CAMTA1: variants seen among roughly 807,000 people sequenced by gnomAD.
The protein encoded by CAMTA1 is calmodulin binding transcription activator 1.
A neutral mutation model predicts 170.9 loss-of-function variants in CAMTA1; 27 were observed. That is an observed-to-expected ratio of 0.16 (90% CI 0.12 to 0.22). CAMTA1 has a LOEUF of 0.22. CAMTA1 is among the 10% of genes least tolerant of loss of function. The pLI, the probability that CAMTA1 is intolerant of heterozygous loss-of-function variation, is 1.00. For missense variants in CAMTA1, 1,619 were observed against 2,217.2 expected, an observed-to-expected ratio of 0.73 and a Z score of 5.42; for synonymous variants, 833 against 891.5, an observed-to-expected ratio of 0.93 and a Z score of 1.17.
intron 7 of CAMTA1, among the ~76,000 whole-genome samples, chr1:7,651,293 C>T (rs1050335668): frequency 6.6e-6 from 1 of 152,200 alleles, no homozygotes; most frequent in Non-Finnish European, 1.5e-5. Flanking sequence ...CAGAAAAGGA[C>T]ACTGCCCCTC....
intron 1 of CAMTA1, among the ~76,000 whole-genome samples, chr1:6,793,304 C>G (rs1434337213): frequency 6.6e-6 from 1 of 152,178 alleles, no homozygotes; most frequent in African/African-American, 2.4e-5. Context: ...CATGCAGTAT[C>G]TCTTCCATTT....
chr1:7,018,570 T>C (rs935002701), intron 3 of CAMTA1, among the ~76,000 whole-genome samples: 15 of 152,108 alleles, frequency 9.9e-5, no homozygotes, highest in African/African-American at 3.6e-4. Flanking sequence ...TTGCCAAGTT[T>C]ACACTGCCAA....
chr1:7,320,623 C>A (rs1417353441), intron 5 of CAMTA1, among the ~76,000 whole-genome samples: 1 of 149,032 alleles, frequency 6.7e-6, no homozygotes, highest in East Asian at 2.0e-4. Context: ...GTCATCTCCA[C>A]TATCCCCCTG....
chr1:7,737,427 C>G lies in CAMTA1; in HGVS notation c.3515C>G (p.Ala1172Gly), dbSNP rs528048498. The change falls in exon 15 of 23, where the codon GCT (alanine) becomes GGT (glycine). Residue 1172 changes from alanine (A) to glycine (G), a missense_variant. Physicochemically the swap from Ala to Gly is moderately conservative, Grantham distance 60. Around this residue, in one of 8 missense-constraint regions of CAMTA1, gnomAD observed 370 missense variants for 429.4 expected, o/e 0.86. Coordinates refer to ENST00000303635, the MANE Select transcript of CAMTA1 (RefSeq NM_015215.4). ...CLEHLQRDEQ[A>G]QLGQNPRIHC... ...GAGCACCTGCAGAGAGATGAGCAGG[C>G]TCAGCTGGGACAGAACCCCAGAATC... 1.2e-6 allele frequency: 2 copies of G among 1,614,182 alleles called. No individual in the cohort carries two copies. The highest frequency in any genetic ancestry group is 1.7e-6 in the Non-Finnish European group (2 of 1,180,002).
At chr1:7,541,783 C>T (rs1255160905) in intron 6 of CAMTA1, among the ~76,000 whole-genome samples, 1 of 152,206 alleles carries the variant, frequency 6.6e-6, no homozygotes, top group Non-Finnish European at 1.5e-5. Context: ...TGGTCACCCA[C>T]AGGGGTTCTG....
At chr1:7,365,113 G>T (rs760144078) in intron 5 of CAMTA1, among the ~76,000 whole-genome samples, 18 of 152,240 alleles carry the variant, frequency 1.2e-4, no homozygotes, top group African/African-American at 1.7e-4. Context: ...TGGCCTGGAG[G>T]CCGGACCCCA....
intron 3 of CAMTA1, among the ~76,000 whole-genome samples, chr1:6,902,077 A>AAAAAAAATAAAATAAAAAAT (rs1385758257): frequency 2.8e-5 from 2 of 70,940 alleles, no homozygotes; most frequent in African/African-American, 7.0e-5. Context: ...ACACACAAAA[A>AAAAAAAATAAAATAAAAAAT]AAAAAATAAA....
At chr1:7,119,456 C>T (rs1407547417) in intron 4 of CAMTA1, among the ~76,000 whole-genome samples, 1 of 152,180 alleles carries the variant, frequency 6.6e-6, no homozygotes, top group Non-Finnish European at 1.5e-5. Context: ...CAGCAGTGAA[C>T]AGCGGGGGGC....
chr1:7,750,493 G>C (rs1450635852), intron 19 of CAMTA1, among the ~76,000 whole-genome samples: 1 of 152,228 alleles, frequency 6.6e-6, no homozygotes, highest in African/African-American at 2.4e-5. Context: ...AGTGCCTAGA[G>C]ACTGATGTTG....
chr1:6,852,487 G>A (rs954413302), intron 3 of CAMTA1, among the ~76,000 whole-genome samples: 2 of 152,128 alleles, frequency 1.3e-5, no homozygotes, highest in African/African-American at 4.8e-5. Context: ...ATTTCTTACC[G>A]ACTGCTATGA....
intron 3 of CAMTA1, among the ~76,000 whole-genome samples, chr1:7,048,987 G>T (rs1479156041): frequency 1.3e-5 from 2 of 152,186 alleles, no homozygotes; most frequent in Non-Finnish European, 2.9e-5. Flanking sequence ...AATCTCCCCA[G>T]ACTCAGGCCG....
chr1:7,473,306 G>A (rs17030953), intron 6 of CAMTA1, among the ~76,000 whole-genome samples: 3,929 of 152,306 alleles, frequency 0.026, 96 homozygotes, highest in East Asian at 0.1. Flanking sequence ...GCCAGAGCAG[G>A]TCCCATTGGC....
At chr1:7,470,754 T>C (rs1211859995) in intron 6 of CAMTA1, among the ~76,000 whole-genome samples, 1 of 152,264 alleles carries the variant, frequency 6.6e-6, no homozygotes, top group Non-Finnish European at 1.5e-5. Context: ...CCCACCTTTG[T>C]AGCCTCAGTT....
intron 3 of CAMTA1, among the ~76,000 whole-genome samples, chr1:7,060,070 G>A (rs1707976161): frequency 6.6e-6 from 1 of 152,150 alleles, no homozygotes; most frequent in Non-Finnish European, 1.5e-5. Context: ...ATAACCTACA[G>A]GCCTGTGAGT....
chr1:7,264,227 G>A (rs1668577082), intron 5 of CAMTA1, among the ~76,000 whole-genome samples: 2 of 152,356 alleles, frequency 1.3e-5, no homozygotes, highest in South Asian at 4.1e-4. Flanking sequence ...GGCCTGAGAT[G>A]CTGCATTGAT....
intron 1 of CAMTA1, among the ~76,000 whole-genome samples, chr1:6,817,708 A>G (rs75980830): frequency 0.017 from 2,602 of 152,238 alleles, 35 homozygotes; most frequent in South Asian, 0.033. Flanking sequence ...GTCATGGTTC[A>G]CTTTAGGCTC....
intron 4 of CAMTA1, among the ~76,000 whole-genome samples, chr1:7,174,687 C>A (rs1004450798): frequency 6.6e-6 from 1 of 152,224 alleles, no homozygotes; most frequent in Non-Finnish European, 1.5e-5. Context: ...GCTCAGCTTC[C>A]TCCAGTCACG....
At chr1:6,987,596 A>G (rs1289694352) in intron 3 of CAMTA1, among the ~76,000 whole-genome samples, 2 of 152,254 alleles carry the variant, frequency 1.3e-5, no homozygotes, top group Non-Finnish European at 1.5e-5. Context: ...CTTTAGGTGA[A>G]TTAGCTGGAA....
intron 5 of CAMTA1, among the ~76,000 whole-genome samples, chr1:7,451,472 C>T (rs1489052609): frequency 6.6e-6 from 1 of 152,164 alleles, no homozygotes; most frequent in Non-Finnish European, 1.5e-5. Context: ...CTCGCCCCAT[C>T]CCTGCTCTCC....
Sources: gnomAD v4.1 joint callset for allele counts (sites outside exome capture counted in the v4.1 genomes callset) on GRCh38, gnomAD v4.1.1 for gene constraint, gnomAD v4.1.1 regional missense constraint, MANE v1.5 for transcripts, NCBI Gene and HGNC (gene_info 2026-07-23, HGNC 2026-07-21) for gene names.